The following PAFAH2 variants were observed in gnomAD, a reference collection of about 807,000 sequenced individuals.
PAFAH2 encodes the protein platelet-activating factor acetylhydrolase 2, cytoplasmic.
PAFAH2 carries 42 observed loss-of-function variants against 49.0 expected under a neutral mutation model. The ratio of observed to expected loss-of-function variants is 0.86; its 90% CI spans 0.67 to 1.11. The LOEUF (loss-of-function observed/expected upper bound fraction) is 1.11. PAFAH2 is among the 50% of genes least tolerant of loss of function. The probability of loss-of-function intolerance (pLI) is 0.00; values close to 1 mark genes in which losing one functional copy is unlikely to be tolerated. For synonymous variants in PAFAH2, 184 were observed against 181.3 expected (o/e 1.01, Z -0.12); for missense variants, 503 against 501.8 (o/e 1.00, Z -0.02).
chr1:25,979,079 G>C (rs298445), intron 7 of PAFAH2, among the ~76,000 whole-genome samples: 34,926 of 152,030 alleles, frequency 0.23, 4,375 homozygotes, highest in African/African-American at 0.33. Context: ...ATATGCATTT[G>C]TACTGTTGAT....
chr1:25,963,780 C>A (rs1295440844), intron 10 of PAFAH2, among the ~76,000 whole-genome samples: 1 of 152,212 alleles, frequency 6.6e-6, no homozygotes, highest in East Asian at 1.9e-4. Flanking sequence ...GGATTACAGG[C>A]GTGAGCCACG....
At chr1:25,987,871 C>T (rs1266378116) in intron 4 of PAFAH2, among the ~76,000 whole-genome samples, 1 of 151,980 alleles carries the variant, frequency 6.6e-6, no homozygotes, top group Non-Finnish European at 1.5e-5. Context: ...GAATGAGACC[C>T]TGTCTGAAAA....
At chr1:25,963,833 G>A (rs1420846019) in intron 10 of PAFAH2, among the ~76,000 whole-genome samples, 1 of 152,192 alleles carries the variant, frequency 6.6e-6, no homozygotes, top group African/African-American at 2.4e-5. Flanking sequence ...GGTCAGGGTG[G>A]GCCTCACTGA....
At chr1:25,967,584 T>C (rs1481439823) in intron 10 of PAFAH2, among the ~76,000 whole-genome samples, 1 of 151,812 alleles carries the variant, frequency 6.6e-6, no homozygotes, top group African/African-American at 2.4e-5. Flanking sequence ...GTTCCAGAAG[T>C]TGGGGAATGA....
intron 10 of PAFAH2, among the ~76,000 whole-genome samples, chr1:25,966,215 C>T (rs550670170): frequency 1.2e-4 from 18 of 152,102 alleles, no homozygotes; most frequent in Non-Finnish European, 2.4e-4. Flanking sequence ...ATGGAGATCC[C>T]TCAGAGAACT....
At chr1:25,977,653 CAAAAAAAA>C (rs534687608) in intron 7 of PAFAH2, among the ~76,000 whole-genome samples, 1 of 60,486 alleles carries the variant, frequency 1.7e-5, no homozygotes, top group Admixed American at 1.9e-4. Context: ...ACCCTGTCTC[CAAAAAAAA>C]AAAAAAAAAA....
chr1:25,989,024 T>C (rs1407520277), intron 3 of PAFAH2, among the ~76,000 whole-genome samples: 1 of 152,010 alleles, frequency 6.6e-6, no homozygotes, highest in Non-Finnish European at 1.5e-5. Flanking sequence ...CCTTGACAGT[T>C]AAGAATCTTT....
intron 5 of PAFAH2, 74 bp from the exon 6 acceptor site, chr1:25,984,161 C>T: frequency 6.4e-7 from 1 of 1,571,266 alleles, no homozygotes; most frequent in African/African-American, 1.3e-5. Flanking sequence ...CCAAAGCCTC[C>T]CTTTCATCCA....
chr1:25,991,797 G>A (rs1295404212), intron 1 of PAFAH2, among the ~76,000 whole-genome samples: 2 of 152,144 alleles, frequency 1.3e-5, no homozygotes, highest in South Asian at 4.2e-4. Context: ...GGAAGCTGAG[G>A]CAAGAGAATC....
chr1:25,981,202 A>C (rs1168849932), intron 7 of PAFAH2, among the ~76,000 whole-genome samples: 1 of 129,420 alleles, frequency 7.7e-6, no homozygotes, highest in Non-Finnish European at 1.7e-5. Context: ...GCTTGTATTA[A>C]ATGATAACAT....
chr1:25,981,230 A>G (rs2049683836), intron 7 of PAFAH2, among the ~76,000 whole-genome samples: 1 of 151,848 alleles, frequency 6.6e-6, no homozygotes, highest in Non-Finnish European at 1.5e-5. Context: ...TAAAAAAAAT[A>G]TACACATATT....
intron 10 of PAFAH2, among the ~76,000 whole-genome samples, chr1:25,963,597 A>G (rs192824976): frequency 2.2e-4 from 34 of 152,250 alleles, no homozygotes; most frequent in Non-Finnish European, 8.8e-5. Flanking sequence ...TCTGCCTCCC[A>G]GGTTCAAGTG....
chr1:25,960,809 CTT>C lies in PAFAH2; in HGVS notation c.*1178_*1179del, dbSNP rs35739814. 1,063 of 143,388 alleles carry C rather than the reference CTT, an allele frequency of 7.4e-3. 5 individuals carry two copies. Among genetic ancestry groups the C allele is most frequent in the Non-Finnish European group, 0.011 (718 of 65,600 alleles). 8.9% of individuals were successfully genotyped at this position (143,388 alleles called of 1,614,324 possible). A position where few individuals can be genotyped will look rare whatever the true frequency, so the allele number is the denominator to read the frequency against. On this transcript the variant is annotated 3_prime_UTR_variant, in exon 11 of 11. Transcript: ENST00000374282. ...TTATTTATTTTAAATTTTTCTTTTTCTTTTTTTTTTTTTTAAGACAGAGTCTT... is the reference window on the plus strand; with the variant it reads ...TTATTTATTTTAAATTTTTCTTTTTCTTTTTTTTTTTTAAGACAGAGTCTT...
At chr1:25,963,310 C>G (rs2049368364) in intron 10 of PAFAH2, among the ~76,000 whole-genome samples, 2 of 152,084 alleles carry the variant, frequency 1.3e-5, no homozygotes, top group South Asian at 4.1e-4. Flanking sequence ...AATATATCCA[C>G]AAACAAAACA....
Position 25,966,112 on chromosome 1 carries a change from G to C in PAFAH2, c.1085-4029C>G, listed in dbSNP as rs565280554. Among the ~76,000 whole-genome samples the C allele has an allele frequency of 6.2e-3, 935 of 151,958 alleles. 10 individuals are homozygous for C. The highest frequency in any genetic ancestry group is 0.058 in the Middle Eastern group (17 of 294). Reference sequence around the variant, plus strand: ...AGAATGGCCATTATTAAAAAGTCCAGAAACAATAAATGCTGGTGAGGATGC... The same window carrying C: ...AGAATGGCCATTATTAAAAAGTCCACAAACAATAAATGCTGGTGAGGATGC... On this transcript the variant is annotated intron_variant, in intron 10 of 10. Transcript: ENST00000374282.
At chr1:25,983,903 A>G (rs2275102) in intron 6 of PAFAH2, 43 bp downstream of exon 6, 1,008,314 of 1,603,884 alleles carry the variant, frequency 0.63, 325,672 homozygotes, top group East Asian at 0.72. Context: ...GTAGGGAGAG[A>G]ACAGGCTCAT....
At chr1:25,973,012 G>C (rs193245996) in intron 9 of PAFAH2, among the ~76,000 whole-genome samples, 1 of 152,334 alleles carries the variant, frequency 6.6e-6, no homozygotes, top group African/African-American at 2.4e-5. Flanking sequence ...GGTTGAGCTA[G>C]CAGGAGCAGG....
intron 10 of PAFAH2, chr1:25,964,398 T>C (rs1159425903): frequency 1.3e-5 from 2 of 152,192 alleles, no homozygotes; most frequent in Non-Finnish European, 2.9e-5. Context: ...ACAAAGTTGG[T>C]GTACAAAAAT....
Position 25,960,041 on chromosome 1 carries a change from A to C in PAFAH2, c.*1948T>G, listed in dbSNP as rs887757235. ...ACGCAGACCCTCATTTTAGAAACGCAGGAGCTGAGATAAGAAAGAGAATAC... is the reference window on the plus strand; with the variant it reads ...ACGCAGACCCTCATTTTAGAAACGCCGGAGCTGAGATAAGAAAGAGAATAC... On this transcript the variant is annotated 3_prime_UTR_variant, in exon 11 of 11. Coordinates refer to ENST00000374282, the MANE Select transcript of PAFAH2 (RefSeq NM_000437.4). The C allele has an allele frequency of 6.6e-6, 1 of 152,230 alleles. No homozygotes were observed. The highest frequency in any genetic ancestry group is 1.5e-5 in the Non-Finnish European group (1 of 68,048). 9.4% of individuals were successfully genotyped at this position (152,230 alleles called of 1,614,324 possible).
Sources: allele counts gnomAD v4.1 joint callset (sites outside exome capture counted in the v4.1 genomes callset), GRCh38; gene constraint gnomAD v4.1.1; transcripts MANE v1.5; gene names NCBI Gene and HGNC (gene_info 2026-07-23, HGNC 2026-07-21).